Variants in SRGAP2 observed in about 807,000 individuals in gnomAD.
The protein encoded by SRGAP2 is SLIT-ROBO Rho GTPase-activating protein 2.
A neutral mutation model predicts 57.2 loss-of-function variants in SRGAP2; 15 were observed. That is an observed-to-expected ratio of 0.26 (90% CI 0.18 to 0.40). SRGAP2 has a LOEUF of 0.40. SRGAP2 is among the 10% of genes least tolerant of loss of function. The pLI is 1.00. For missense variants in SRGAP2, 520 were observed against 669.6 expected, an observed-to-expected ratio of 0.78 and a Z score of 2.47; for synonymous variants, 249 against 248.0, an observed-to-expected ratio of 1.00 and a Z score of -0.04.
Position 206,462,157 on chromosome 1 carries a change from GT to G in SRGAP2, c.*739del, listed in dbSNP as rs1346631729. ...TTGGGGTTGGGGGCTTTCTCTCTGT[GT>G]TCTTTCCATTGATGTGAATTGGTCA... On this transcript the variant is annotated 3_prime_UTR_variant, in exon 23 of 23. Transcript: ENST00000573034. 2 of 152,484 alleles carry G rather than the reference GT, an allele frequency of 1.3e-5. No homozygotes were observed. Among genetic ancestry groups the G allele is most frequent in the African/African-American group, 4.8e-5 (2 of 41,424 alleles). The allele number at this position is 152,484 out of a possible 1,614,324, so 9.4% of individuals were successfully genotyped here.
intron 12 of SRGAP2, among the ~76,000 whole-genome samples, chr1:206,420,079 A>G (rs2103242736): frequency 6.6e-6 from 1 of 152,306 alleles, no homozygotes; most frequent in African/African-American, 2.4e-5. Flanking sequence ...AGCAGTTCTC[A>G]GATGCCTAGA....
intron 13 of SRGAP2, among the ~76,000 whole-genome samples, chr1:206,429,600 G>A (rs1661112268): frequency 6.6e-6 from 1 of 152,262 alleles, no homozygotes; most frequent in African/African-American, 2.4e-5. Context: ...CATAGCTGTA[G>A]CAGAAGCTAG....
Position 206,454,084 on chromosome 1 carries a change from C to T in SRGAP2, c.2360+704C>T. 1.4e-6 allele frequency: 1 copy of T among 702,282 alleles called. No homozygotes were observed. Among genetic ancestry groups the T allele is most frequent in the East Asian group, 2.7e-5 (1 of 37,280 alleles). The allele number at this position is 702,282 out of a possible 1,614,324, so 43.5% of individuals were successfully genotyped here. A position where few individuals can be genotyped will look rare whatever the true frequency, so the allele number is the denominator to read the frequency against. ...TGCCCTGTCTCTGTCCCCAGCTCCC[C>T]TCCCTTGGATACGATGCTGTCAGTG... On this transcript the variant is annotated intron_variant, in intron 20 of 22. Coordinates refer to ENST00000573034, the MANE Select transcript of SRGAP2 (RefSeq NM_015326.5). This position sits in a 1 kb window ranked among gnomAD's most constrained non-coding sequence, Gnocchi z 4.3.
chr1:206,423,622 A>G (rs114024740), intron 13 of SRGAP2, among the ~76,000 whole-genome samples: 7 of 152,282 alleles, frequency 4.6e-5, no homozygotes, highest in African/African-American at 1.7e-4. Context: ...TTACTCACAT[A>G]TAATCTGTTG....
chr1:206,417,540 C>G (rs1558409416), intron 11 of SRGAP2, among the ~76,000 whole-genome samples: 1 of 151,462 alleles, frequency 6.6e-6, no homozygotes, highest in Non-Finnish European at 1.5e-5. Flanking sequence ...ACCTCAGCCT[C>G]CTGAATAGCT....
At chr1:206,433,496 C>T (rs1279509656) in intron 14 of SRGAP2, among the ~76,000 whole-genome samples, 1 of 152,008 alleles carries the variant, frequency 6.6e-6, no homozygotes, top group Admixed American at 6.6e-5. Flanking sequence ...AAAAAATTAG[C>T]TGGGTGTGGT....
At chr1:206,303,528 G>A (rs1303691761) in intron 3 of SRGAP2, 55 bp downstream of exon 3, 7 of 929,302 alleles carry the variant, frequency 7.5e-6, no homozygotes, top group African/African-American at 5.2e-5. Flanking sequence ...GGTCCAGGGT[G>A]GAGGGGGGCA....
chr1:206,240,395 C>G (rs1668149200), intron 2 of SRGAP2, among the ~76,000 whole-genome samples: 1 of 152,024 alleles, frequency 6.6e-6, no homozygotes, highest in South Asian at 2.1e-4. Context: ...TTGAGCATGT[C>G]TGTGTAAATG....
In SRGAP2 at chr1:206,240,946, G is replaced by A. The variant is rs1208854202; in HGVS notation, c.67+34909G>A. Among the ~76,000 whole-genome samples the A allele has an allele frequency of 3.9e-5, 6 of 152,246 alleles. No homozygotes were observed. In the South Asian group the frequency reaches 6.2e-4, roughly 16 times the overall value. ...CACCTGTAATCCCACCACTTTGGGA[G>A]GCTGAGGTGGGTGGATTGCTTGAAC... On this transcript the variant is annotated intron_variant, in intron 2 of 22. Transcript: ENST00000573034.
intron 4 of SRGAP2, among the ~76,000 whole-genome samples, chr1:206,354,640 T>C (rs1382797546): frequency 6.7e-6 from 1 of 149,146 alleles, no homozygotes; most frequent in Non-Finnish European, 1.5e-5. Context: ...ATAATGCTGC[T>C]ATGAACATTA....
At chr1:206,213,214 A>T (rs1318021768) in intron 2 of SRGAP2, 1 of 152,526 alleles carries the variant, frequency 6.6e-6, no homozygotes, top group Non-Finnish European at 1.4e-5. Flanking sequence ...TCTGGGTGTG[A>T]TGGCACATAC....
At chr1:206,314,116 T>TG (rs1294708306) in intron 3 of SRGAP2, among the ~76,000 whole-genome samples, 1,632 of 149,216 alleles carry the variant, frequency 0.011, 20 homozygotes, top group South Asian at 0.027. Flanking sequence ...TTTTTTTTTT[T>TG]TTGTTGTTGT....
chr1:206,357,505 A>ATGAT (rs1486865761), intron 4 of SRGAP2, among the ~76,000 whole-genome samples: 2 of 149,612 alleles, frequency 1.3e-5, no homozygotes, highest in Admixed American at 1.3e-4. Flanking sequence ...TGTTGCCTAT[A>ATGAT]TGATCATACA....
chr1:206,349,997 C>CT (rs1170059110), intron 4 of SRGAP2, among the ~76,000 whole-genome samples: 1 of 151,288 alleles, frequency 6.6e-6, no homozygotes, highest in African/African-American at 2.4e-5. Flanking sequence ...GCCTTAGGTA[C>CT]TTTATTCATA....
intron 1 of SRGAP2, chr1:206,205,046 A>T (rs1398473708): frequency 2.6e-5 from 4 of 151,882 alleles, no homozygotes; most frequent in African/African-American, 9.7e-5. Context: ...TTTGATGTAC[A>T]GGGAGGTGCC....
intron 3 of SRGAP2, among the ~76,000 whole-genome samples, chr1:206,333,870 TA>T (rs1674570828): frequency 6.6e-6 from 1 of 152,142 alleles, no homozygotes; most frequent in African/African-American, 2.4e-5. Context: ...CCAGATTCCT[TA>T]AGGACCTGAA....
intron 11 of SRGAP2, among the ~76,000 whole-genome samples, chr1:206,418,523 A>G (rs1301790269): frequency 6.6e-6 from 1 of 152,246 alleles, no homozygotes; most frequent in African/African-American, 2.4e-5. Flanking sequence ...GGTTTAAATA[A>G]TGCAGATCTA....
intron 2 of SRGAP2, among the ~76,000 whole-genome samples, chr1:206,229,909 GAGAT>G (rs748595077): frequency 7.1e-6 from 1 of 141,798 alleles, no homozygotes; most frequent in Non-Finnish European, 1.5e-5. Context: ...CGTTGAGAGA[GAGAT>G]ATATATGTAC....
chr1:206,412,831 T>C (rs908967653), intron 10 of SRGAP2, among the ~76,000 whole-genome samples: 2 of 152,098 alleles, frequency 1.3e-5, no homozygotes, highest in Non-Finnish European at 2.9e-5. Context: ...GTGGGTGGGA[T>C]AGGGGAGTGA....
Sources: gnomAD v4.1 joint callset for allele counts (sites outside exome capture counted in the v4.1 genomes callset) on GRCh38, gnomAD v4.1.1 for gene constraint, Gnocchi (gnomAD v3.1) non-coding constraint, MANE v1.5 for transcripts, NCBI Gene and HGNC (gene_info 2026-07-23, HGNC 2026-07-21) for gene names.